Variants in NOL4 observed in about 807,000 individuals in gnomAD.
NOL4 encodes the protein nucleolar protein 4.
Under a neutral mutation model 75.9 loss-of-function variants are expected in NOL4, and 17 were observed. The ratio of observed to expected loss-of-function variants is 0.22; its 90% CI spans 0.15 to 0.34. The LOEUF is 0.34. NOL4 is among the 10% of genes least tolerant of loss of function. The probability of loss-of-function intolerance (pLI) is 1.00; values close to 1 mark genes in which losing one functional copy is unlikely to be tolerated. For missense variants in NOL4, 614 were observed against 793.5 expected, an observed-to-expected ratio of 0.77 and a Z score of 2.72; for synonymous variants, 292 against 289.9, an observed-to-expected ratio of 1.01 and a Z score of -0.07.
chr18:33,908,756 A>T (rs574564179), intron 9 of NOL4, among the ~76,000 whole-genome samples: 1 of 152,196 alleles, frequency 6.6e-6, no homozygotes, highest in African/African-American at 2.4e-5. Flanking sequence ...AGGAACACGC[A>T]TAGATAACAT....
intron 1 of NOL4, among the ~76,000 whole-genome samples, chr18:34,186,557 G>T (rs1265507467): frequency 2.6e-5 from 4 of 152,042 alleles, no homozygotes; most frequent in Admixed American, 1.3e-4. Context: ...TCTACCAATT[G>T]CTCTCTGCTT....
chr18:33,880,830 A>G (rs1284146082), intron 10 of NOL4, among the ~76,000 whole-genome samples: 1 of 150,676 alleles, frequency 6.6e-6, no homozygotes. Context: ...TTTTTTTTTT[A>G]GTATAAACAG....
chr18:33,934,982 C>T (rs796392848), intron 9 of NOL4, among the ~76,000 whole-genome samples: 12 of 151,842 alleles, frequency 7.9e-5, no homozygotes, highest in African/African-American at 2.9e-4. Flanking sequence ...CCTCAGCCTC[C>T]CAAGTAGCTA....
At chr18:34,068,720 C>T (rs1312964605) in intron 5 of NOL4, among the ~76,000 whole-genome samples, 1 of 152,104 alleles carries the variant, frequency 6.6e-6, no homozygotes, top group Admixed American at 6.5e-5. Context: ...TTCTGAGCAT[C>T]CTCACAGTAA....
intron 10 of NOL4, among the ~76,000 whole-genome samples, chr18:33,863,312 C>T (rs906388439): frequency 1.3e-5 from 2 of 152,000 alleles, no homozygotes; most frequent in Non-Finnish European, 2.9e-5. Context: ...GGGAGATATA[C>T]CTAATGCTAG....
intron 10 of NOL4, among the ~76,000 whole-genome samples, chr18:33,862,852 A>G (rs2063223484): frequency 6.6e-6 from 1 of 152,218 alleles, no homozygotes; most frequent in Non-Finnish European, 1.5e-5. Context: ...CCATTGTGGA[A>G]GTCAGTGTGG....
At chr18:34,052,263 A>G (rs1358691380) in intron 5 of NOL4, among the ~76,000 whole-genome samples, 1 of 136,266 alleles carries the variant, frequency 7.3e-6, no homozygotes, top group Non-Finnish European at 1.7e-5. Flanking sequence ...ATGTTATTCT[A>G]GCAAGTGGAG....
intron 5 of NOL4, among the ~76,000 whole-genome samples, chr18:34,046,563 T>A: frequency 6.9e-6 from 1 of 144,646 alleles, no homozygotes; most frequent in African/African-American, 2.5e-5. Context: ...GGTAGTAAAT[T>A]GGCTAAGTCC....
intron 8 of NOL4, among the ~76,000 whole-genome samples, chr18:33,945,598 CTAGAG>C (rs72479921): frequency 0.061 from 9,323 of 151,628 alleles, 343 homozygotes; most frequent in Non-Finnish European, 0.081. Flanking sequence ...TTCTCATAAA[CTAGAG>C]TAATGTCCTG....
rs1216442997 is a variant in NOL4, at chr18:34,200,322, G to A, written c.264+22668C>T. 6.6e-5 allele frequency among the ~76,000 whole-genome samples: 10 copies of A among 151,848 alleles called. No homozygotes were observed. In the South Asian group the frequency reaches 2.1e-3, roughly 31 times the overall value. ...ACGTGCCTCATAAAGAGATGAAATT[G>A]TCTCAGTACCGGTGCCAGATCGTAA... On this transcript the variant is annotated intron_variant, in intron 1 of 10. Transcript: ENST00000261592.
chr18:33,990,620 C>T (rs1401439073), intron 6 of NOL4, among the ~76,000 whole-genome samples: 1 of 152,080 alleles, frequency 6.6e-6, no homozygotes, highest in African/African-American at 2.4e-5. Flanking sequence ...TATTCTTCTA[C>T]AGTTACGTGA....
intron 4 of NOL4, among the ~76,000 whole-genome samples, chr18:34,095,392 G>T (rs866581459): frequency 6.6e-6 from 1 of 151,538 alleles, no homozygotes; most frequent in African/African-American, 2.4e-5. Context: ...ATATACACAC[G>T]TTGATAGATG....
At chr18:34,132,867 G>A (rs372411334) in intron 1 of NOL4, among the ~76,000 whole-genome samples, 9 of 151,992 alleles carry the variant, frequency 5.9e-5, no homozygotes, top group Admixed American at 5.2e-4. Context: ...AATTAACTTC[G>A]CAAAAGAAAC....
At chr18:33,994,422 C>A (rs999782372) in intron 6 of NOL4, among the ~76,000 whole-genome samples, 1 of 151,978 alleles carries the variant, frequency 6.6e-6, no homozygotes, top group Non-Finnish European at 1.5e-5. Context: ...TAAAGCCAAT[C>A]TTCATGAATG....
chr18:33,942,698 C>G lies in NOL4; in HGVS notation c.1542+367G>C, dbSNP rs142812423. On this transcript the variant is annotated intron_variant, in intron 9 of 10. Coordinates refer to ENST00000261592, the MANE Select transcript of NOL4 (RefSeq NM_003787.5). ...AGAGGAAATTAAGGAGAGGTTGGTT[C>G]ATTTCATTCGAAATGAACATGATCA... 3.5e-4 allele frequency among the ~76,000 whole-genome samples: 53 copies of G among 151,878 alleles called. 1 individual carries two copies. The East Asian group carries it at 9.7e-3, about 28-fold the overall frequency.
In NOL4 at chr18:33,943,186, A is replaced by T; in HGVS notation, c.1429-8T>A. On this transcript the variant is annotated splice_polypyrimidine_tract_variant and splice_region_variant and intron_variant, in intron 8 of 10. Coordinates refer to ENST00000261592, the MANE Select transcript of NOL4 (RefSeq NM_003787.5). ...GGAAGGAATAGGTCGAGACTAAAAA[A>T]AAAAAGAGAAAAGTATGAAAAAAAT... 6.3e-7 allele frequency: 1 copy of T among 1,590,910 alleles called. No homozygotes were observed. Among genetic ancestry groups the T allele is most frequent in the Non-Finnish European group, 8.6e-7 (1 of 1,165,030 alleles).
rs899696288 is a variant in NOL4, at chr18:33,902,872, G to T, written c.1543-19448C>A. On this transcript the variant is annotated intron_variant, in intron 9 of 10. Coordinates refer to ENST00000261592, the MANE Select transcript of NOL4 (RefSeq NM_003787.5). ...TACTTGGGCAAACTGAAATTTAAAAGGCTTAAAATTTCTACATGTATGTAA... is the reference window on the plus strand; with the variant it reads ...TACTTGGGCAAACTGAAATTTAAAATGCTTAAAATTTCTACATGTATGTAA... Among the ~76,000 whole-genome samples, 3 of 152,152 alleles carry T rather than the reference G, an allele frequency of 2.0e-5. No homozygotes were observed. In the South Asian group the frequency reaches 6.2e-4, roughly 32 times the overall value.
At chr18:34,197,426 A>G (rs2035411510) in intron 1 of NOL4, among the ~76,000 whole-genome samples, 1 of 152,190 alleles carries the variant, frequency 6.6e-6, no homozygotes, top group African/African-American at 2.4e-5. Context: ...TAGGCTGATA[A>G]TACCATGAAA....
intron 1 of NOL4, among the ~76,000 whole-genome samples, chr18:34,141,000 T>G: frequency 6.6e-6 from 1 of 152,086 alleles, no homozygotes. Flanking sequence ...GGATACAAAA[T>G]CAATGTGCAA....
Sources: allele counts gnomAD v4.1 joint callset (sites outside exome capture counted in the v4.1 genomes callset), GRCh38; gene constraint gnomAD v4.1.1; transcripts MANE v1.5; gene names NCBI Gene and HGNC (gene_info 2026-07-23, HGNC 2026-07-21).